The following GNAZ variants were observed in gnomAD, a reference collection of about 807,000 sequenced individuals.
GNAZ encodes the protein G protein subunit alpha z.
GNAZ carries 3 observed loss-of-function variants against 25.4 expected under a neutral mutation model. The observed-to-expected ratio is 0.12, with a 90% confidence interval of 0.05 to 0.30. GNAZ has a LOEUF of 0.30. Among genes scored for constraint, GNAZ ranks in the 10% least tolerant of loss-of-function variants. The probability of loss-of-function intolerance (pLI) is 1.00; values close to 1 mark genes in which losing one functional copy is unlikely to be tolerated. For synonymous variants in GNAZ, 211 were observed against 205.7 expected, an observed-to-expected ratio of 1.03 and a Z score of -0.22; for missense variants, 241 against 501.8, an observed-to-expected ratio of 0.48 and a Z score of 4.97.
In GNAZ at chr22:23,095,745, G is replaced by A. The variant is rs898310493; in HGVS notation, c.50G>A (p.Arg17Gln). ...SEEKEAARRS[R>Q]RIDRHLRSES... ...GAAAAAGAAGCAGCCCGGCGGTCCC[G>A]GAGAATTGACCGCCACCTGCGCTCA... The change falls in exon 2 of 3, where the codon CGG becomes CAG. Residue 17 changes from arginine (R) to glutamine (Q), a missense_variant. Transcript: ENST00000615612. 2.5e-6 allele frequency: 4 copies of A among 1,612,502 alleles called. No individual in the cohort carries two copies. Among genetic ancestry groups the A allele is most frequent in the Non-Finnish European group, 2.5e-6 (3 of 1,179,722 alleles).
At chr22:23,083,492 TTCC>T (rs1473848829) in intron 1 of GNAZ, among the ~76,000 whole-genome samples, 1 of 152,166 alleles carries the variant, frequency 6.6e-6, no homozygotes, top group Non-Finnish European at 1.5e-5. Flanking sequence ...TTTTTTGGTG[TTCC>T]TCCATCTATC....
intron 2 of GNAZ, among the ~76,000 whole-genome samples, chr22:23,105,654 A>G (rs1355714934): frequency 2.0e-5 from 3 of 152,214 alleles, no homozygotes; most frequent in African/African-American, 4.8e-5. Flanking sequence ...CTTTCTTCGC[A>G]TGGTGATGGC....
At chr22:23,076,767 G>A (rs2146257323) in intron 1 of GNAZ, among the ~76,000 whole-genome samples, 1 of 152,370 alleles carries the variant, frequency 6.6e-6, no homozygotes, top group African/African-American at 2.4e-5. Context: ...AGGTAGTAAA[G>A]GAACATGATG....
intron 2 of GNAZ, among the ~76,000 whole-genome samples, chr22:23,100,736 G>A (rs1366729405): frequency 1.3e-5 from 2 of 152,242 alleles, no homozygotes; most frequent in East Asian, 1.9e-4. Context: ...GCGGGCGGGA[G>A]GCGGTAGGCT....
chr22:23,111,100 C>T (rs988970177), intron 2 of GNAZ, among the ~76,000 whole-genome samples: 8 of 152,284 alleles, frequency 5.3e-5, no homozygotes, highest in African/African-American at 1.4e-4. Flanking sequence ...TCCCTGTGAG[C>T]GTGAGCAGGA....
At chr22:23,089,898 G>A (rs1279829007) in intron 1 of GNAZ, among the ~76,000 whole-genome samples, 1 of 152,170 alleles carries the variant, frequency 6.6e-6, no homozygotes, top group Non-Finnish European at 1.5e-5. Flanking sequence ...TGAGGCTGCT[G>A]GGGAGGAGGC....
chr22:23,075,077 G>A (rs1188299787), intron 1 of GNAZ, among the ~76,000 whole-genome samples: 1 of 152,172 alleles, frequency 6.6e-6, no homozygotes, highest in Non-Finnish European at 1.5e-5. Context: ...GCCCAAGTGA[G>A]TGCCCAGGAA....
intron 2 of GNAZ, among the ~76,000 whole-genome samples, chr22:23,119,861 GTTA>G (rs1030015252): frequency 2.6e-5 from 4 of 152,218 alleles, no homozygotes; most frequent in African/African-American, 4.8e-5. Context: ...CAGAGATTTT[GTTA>G]TTATTTGAGG....
chr22:23,102,649 A>G (rs1046696926), intron 2 of GNAZ, among the ~76,000 whole-genome samples: 1 of 151,930 alleles, frequency 6.6e-6, no homozygotes, highest in East Asian at 1.9e-4. Context: ...TTGGCCCCCA[A>G]CTCCTCATCA....
At chr22:23,100,589 C>T (rs2069271147) in intron 2 of GNAZ, among the ~76,000 whole-genome samples, 1 of 152,204 alleles carries the variant, frequency 6.6e-6, no homozygotes, top group Non-Finnish European at 1.5e-5. Context: ...CCATTGGCTT[C>T]CTGAGGAACC....
chr22:23,106,404 G>A (rs750846962), intron 2 of GNAZ, among the ~76,000 whole-genome samples: 2 of 152,238 alleles, frequency 1.3e-5, no homozygotes, highest in Non-Finnish European at 2.9e-5. Context: ...GCCCAGCTGA[G>A]GCATGAGAAA....
At chr22:23,087,569 T>C (rs6003501) in intron 1 of GNAZ, among the ~76,000 whole-genome samples, 56,671 of 152,086 alleles carry the variant, frequency 0.37, 11,199 homozygotes, top group African/African-American at 0.52. Context: ...CATGAAGAGC[T>C]GGCTGTGCAG....
chr22:23,107,439 C>T (rs1172195596), intron 2 of GNAZ, among the ~76,000 whole-genome samples: 2 of 152,152 alleles, frequency 1.3e-5, no homozygotes, highest in East Asian at 1.9e-4. Context: ...AGGGAAAAGT[C>T]GAGGGCCTCA....
chr22:23,115,578 A>C (rs2069805571), intron 2 of GNAZ, among the ~76,000 whole-genome samples: 1 of 152,116 alleles, frequency 6.6e-6, no homozygotes, highest in South Asian at 2.1e-4. Context: ...TTCCTAGAAC[A>C]GGAAGGTGGG....
chr22:23,078,750 G>C (rs2068581979), intron 1 of GNAZ, among the ~76,000 whole-genome samples: 1 of 152,234 alleles, frequency 6.6e-6, no homozygotes, highest in East Asian at 1.9e-4. Flanking sequence ...TTCTAAGGGG[G>C]CTGAGGGGCC....
At chr22:23,079,917 G>A (rs976066365) in intron 1 of GNAZ, among the ~76,000 whole-genome samples, 1 of 152,180 alleles carries the variant, frequency 6.6e-6, no homozygotes, top group African/African-American at 2.4e-5. Context: ...GGGATTGTGG[G>A]ATGCCACACA....
rs188148255 is a variant in GNAZ at position 23,098,800 on chromosome 22, G to A, written c.723+2382G>A. On this transcript the variant is annotated intron_variant, in intron 2 of 2. Transcript: ENST00000615612. ...GCGATTCCTCCCGCAGGCTGGGCTG[G>A]CCCCGGAGGTGAGCTGGCCCCCAGA... Among the ~76,000 whole-genome samples, 509 of 152,370 alleles carry A rather than the reference G, an allele frequency of 3.3e-3. 1 individual carries two copies. The highest frequency in any genetic ancestry group is 6.4e-3 in the South Asian group (31 of 4,832).
chr22:23,082,651 T>A (rs1291844898), intron 1 of GNAZ, among the ~76,000 whole-genome samples: 1 of 152,076 alleles, frequency 6.6e-6, no homozygotes, highest in African/African-American at 2.4e-5. Flanking sequence ...GGCTGCTTGA[T>A]GACACTGCAG....
intron 2 of GNAZ, among the ~76,000 whole-genome samples, chr22:23,102,375 G>A (rs550880465): frequency 6.6e-6 from 1 of 152,340 alleles, no homozygotes; most frequent in South Asian, 2.1e-4. Flanking sequence ...TAGCACTTCA[G>A]TCCTTGGGTT....
Sources: allele counts gnomAD v4.1 joint callset (sites outside exome capture counted in the v4.1 genomes callset), GRCh38; gene constraint gnomAD v4.1.1; transcripts MANE v1.5; gene names NCBI Gene and HGNC (gene_info 2026-07-23, HGNC 2026-07-21).